The following CDC42BPA variants were observed in gnomAD, a reference collection of about 807,000 sequenced individuals.
The protein encoded by CDC42BPA is serine/threonine-protein kinase MRCK alpha.
Under a neutral mutation model 223.5 loss-of-function variants are expected in CDC42BPA, and 80 were observed. The ratio of observed to expected loss-of-function variants is 0.36; its 90% CI spans 0.30 to 0.43. The LOEUF is 0.43. CDC42BPA is among the 20% of genes least tolerant of loss of function. CDC42BPA has a pLI of 1.00. For missense variants in CDC42BPA, 1,743 were observed against 2,099.9 expected (o/e 0.83, Z 3.32); for synonymous variants, 694 against 718.6 (o/e 0.97, Z 0.55).
chr1:227,027,214 T>C (rs1201135039), intron 30 of CDC42BPA, among the ~76,000 whole-genome samples: 1 of 152,176 alleles, frequency 6.6e-6, no homozygotes, highest in Non-Finnish European at 1.5e-5. Context: ...AAGTCGTTCA[T>C]CCCAGGATGG....
chr1:227,119,726 T>C, intron 12 of CDC42BPA, 78 bp downstream of exon 12: 1 of 986,702 alleles, frequency 1.0e-6, no homozygotes, highest in Non-Finnish European at 1.4e-6. Context: ...TGTAATTCAT[T>C]ATGAATGCTT....
In CDC42BPA at chr1:227,120,407, T is replaced by C. The variant is rs184519901; in HGVS notation, c.1514-470A>G. ...ATTTATCTGAAGAATAAACTCTGAT[T>C]TCTAAAGAGCAAATATCTGAAAAAC... On this transcript the variant is annotated intron_variant, in intron 11 of 36. Transcript: ENST00000366766. Among the ~76,000 whole-genome samples, 17 of 152,266 alleles carry C rather than the reference T, an allele frequency of 1.1e-4. No individual in the cohort carries two copies. In the East Asian group the frequency reaches 1.5e-3, roughly 14 times the overall value.
chr1:227,127,565 A>G (rs1310872016), intron 11 of CDC42BPA, among the ~76,000 whole-genome samples: 1 of 152,176 alleles, frequency 6.6e-6, no homozygotes, highest in African/African-American at 2.4e-5. Flanking sequence ...CTTCTGTTCT[A>G]CTGCTTTTTT....
chr1:227,174,554 A>G (rs1208989341), intron 5 of CDC42BPA, among the ~76,000 whole-genome samples: 2 of 152,204 alleles, frequency 1.3e-5, no homozygotes, highest in Non-Finnish European at 2.9e-5. Flanking sequence ...AAATTCTATT[A>G]AAATAGGATT....
intron 1 of CDC42BPA, among the ~76,000 whole-genome samples, chr1:227,257,006 C>T (rs1683194700): frequency 1.4e-5 from 2 of 143,970 alleles, no homozygotes; most frequent in South Asian, 4.4e-4. Flanking sequence ...TGTTAAGCAG[C>T]TTTAAAATGA....
chr1:227,059,437 CAT>C, intron 21 of CDC42BPA: 2 of 1,550,790 alleles, frequency 1.3e-6, no homozygotes, highest in Non-Finnish European at 1.7e-6. Flanking sequence ...GAGAATAGGA[CAT>C]GTTACAAATA....
chr1:227,185,820 A>G (rs1178188559), intron 5 of CDC42BPA, among the ~76,000 whole-genome samples: 1 of 152,006 alleles, frequency 6.6e-6, no homozygotes, highest in Non-Finnish European at 1.5e-5. Context: ...GCCGTATCAC[A>G]ATGATAAAAC....
intron 11 of CDC42BPA, 126 bp from the exon 12 acceptor site, chr1:227,120,063 T>TA: frequency 1.6e-6 from 1 of 621,880 alleles, no homozygotes; most frequent in Admixed American, 3.4e-5. Context: ...TGACAGTGTA[T>TA]ACCAGTATGA....
intron 2 of CDC42BPA, among the ~76,000 whole-genome samples, chr1:227,220,711 T>C (rs572817531): frequency 6.6e-6 from 1 of 152,266 alleles, no homozygotes; most frequent in South Asian, 2.1e-4. Flanking sequence ...CTACCACTTT[T>C]CAGGGCTAAC....
At chr1:227,057,070 A>T (rs1674730583) in intron 21 of CDC42BPA, among the ~76,000 whole-genome samples, 1 of 152,208 alleles carries the variant, frequency 6.6e-6, no homozygotes, top group African/African-American at 2.4e-5. Flanking sequence ...AGAAAACATA[A>T]GAGAAAGTTA....
At chr1:227,059,346 G>A (rs762012363) in intron 21 of CDC42BPA, 21 of 1,553,278 alleles carry the variant, frequency 1.4e-5, no homozygotes, top group Non-Finnish European at 7.0e-6. Context: ...CCTCAGGATG[G>A]GTACATAAAG....
intron 5 of CDC42BPA, among the ~76,000 whole-genome samples, chr1:227,162,811 G>A (rs1224170458): frequency 6.6e-6 from 1 of 151,888 alleles, no homozygotes; most frequent in Non-Finnish European, 1.5e-5. Flanking sequence ...ACTCCAGCCT[G>A]GGTGATGGAA....
chr1:227,048,098 A>T, intron 22 of CDC42BPA, 88 bp from the exon 23 acceptor site: 1 of 758,196 alleles, frequency 1.3e-6, no homozygotes, highest in Non-Finnish European at 2.1e-6. Context: ...AATAAATAAA[A>T]CAAAACATCA....
At chr1:227,191,991 A>G (rs970764780) in intron 5 of CDC42BPA, among the ~76,000 whole-genome samples, 1 of 151,574 alleles carries the variant, frequency 6.6e-6, no homozygotes, top group African/African-American at 2.4e-5. Context: ...ACTGCATTGT[A>G]CAATTTTCAA....
At chr1:227,306,559 G>C (rs1692586032) in intron 1 of CDC42BPA, among the ~76,000 whole-genome samples, 1 of 152,168 alleles carries the variant, frequency 6.6e-6, no homozygotes, top group Non-Finnish European at 1.5e-5. Flanking sequence ...CAAAAAGGCA[G>C]AAACAGATAC....
chr1:227,251,890 G>A lies in CDC42BPA; in HGVS notation c.270+2174C>T, dbSNP rs556545506. 1.2e-4 allele frequency among the ~76,000 whole-genome samples: 18 copies of A among 151,842 alleles called. No individual in the cohort carries two copies. The South Asian group carries it at 3.7e-3, about 32-fold the overall frequency. ...TTTAAATTACATTATAACTCAATAA[G>A]AAAAACTAGAAAATTTTCTAAATGT... On this transcript the variant is annotated intron_variant, in intron 2 of 36. Transcript: ENST00000366766.
chr1:227,168,670 T>G (rs1665564104), intron 5 of CDC42BPA, among the ~76,000 whole-genome samples: 1 of 151,842 alleles, frequency 6.6e-6, no homozygotes, highest in South Asian at 2.1e-4. Flanking sequence ...TAATTTTTTT[T>G]GTATTTTTAG....
intron 6 of CDC42BPA, among the ~76,000 whole-genome samples, chr1:227,159,655 A>G (rs34477380): frequency 0.68 from 102,690 of 150,580 alleles, 35,245 homozygotes; most frequent in South Asian, 0.73. Flanking sequence ...AAGTTAAAAA[A>G]AAAAAAAAAC....
In CDC42BPA at chr1:227,254,154, A is replaced by G. The variant is rs1409202601; in HGVS notation, c.180T>C (p.Ala60=). The G allele has an allele frequency of 6.7e-7, 1 of 1,488,888 alleles. No individual in the cohort carries two copies. Among genetic ancestry groups the G allele is most frequent in the Admixed American group, 1.8e-5 (1 of 54,432 alleles). The allele number at this position is 1,488,888 out of a possible 1,614,324, so 92.2% of individuals were successfully genotyped here. A position where few individuals can be genotyped will look rare whatever the true frequency, so the allele number is the denominator to read the frequency against. Residue 60 remains alanine, a splice_region_variant and synonymous_variant, in exon 2 of 37, where the codon GCT becomes GCC. Transcript: ENST00000366766. The part of the protein sequence containing the change: ...EKNILEYLEW[A]KPFTSKVKQM... Reference sequence around the variant, plus strand: ...GTTTCACTTTAGAAGTAAATGGTTTAGCTGAAATGAAAGAGCAATATCAAT... The same window carrying G: ...GTTTCACTTTAGAAGTAAATGGTTTGGCTGAAATGAAAGAGCAATATCAAT...
Sources: allele counts gnomAD v4.1 joint callset (sites outside exome capture counted in the v4.1 genomes callset), GRCh38; gene constraint gnomAD v4.1.1; transcripts MANE v1.5; gene names NCBI Gene and HGNC (gene_info 2026-07-23, HGNC 2026-07-21).